The following KCNH8 variants were observed in gnomAD, a reference collection of about 807,000 sequenced individuals.
The protein encoded by KCNH8 is voltage-gated delayed rectifier potassium channel KCNH8.
In KCNH8, 70 loss-of-function variants were observed where a neutral mutation model predicts 103.6. The ratio of observed to expected loss-of-function variants is 0.68; its 90% CI spans 0.56 to 0.82. The LOEUF (loss-of-function observed/expected upper bound fraction) is 0.82. Among genes scored for constraint, KCNH8 ranks in the 40% least tolerant of loss-of-function variants. The pLI is 0.00. For missense variants in KCNH8, 1,217 were observed against 1,329.9 expected (o/e 0.92, Z 1.32); for synonymous variants, 498 against 489.4 (o/e 1.02, Z -0.23).
intron 1 of KCNH8, among the ~76,000 whole-genome samples, chr3:19,213,837 T>G (rs1428881210): frequency 6.6e-6 from 1 of 152,102 alleles, no homozygotes; most frequent in Non-Finnish European, 1.5e-5. Flanking sequence ...GTATTGGCCA[T>G]GTGGGTAGGA....
At chr3:19,332,091 A>G (rs1228290841) in intron 3 of KCNH8, among the ~76,000 whole-genome samples, 1 of 151,596 alleles carries the variant, frequency 6.6e-6, no homozygotes, top group Non-Finnish European at 1.5e-5. Context: ...ACGTGTGTGA[A>G]CTAAACTGAC....
intron 3 of KCNH8, among the ~76,000 whole-genome samples, chr3:19,320,550 C>T (rs1214432852): frequency 1.3e-5 from 2 of 152,014 alleles, no homozygotes; most frequent in South Asian, 4.2e-4. Context: ...GGTGGATTAT[C>T]GTTTTGATAT....
chr3:19,346,091 A>G (rs1038992278), intron 4 of KCNH8, among the ~76,000 whole-genome samples: 3 of 152,088 alleles, frequency 2.0e-5, no homozygotes, highest in Non-Finnish European at 4.4e-5. Context: ...AGAAAATGAG[A>G]TATTTCCCAT....
chr3:19,370,401 A>G (rs2066072052), intron 5 of KCNH8, among the ~76,000 whole-genome samples: 1 of 152,098 alleles, frequency 6.6e-6, no homozygotes, highest in African/African-American at 2.4e-5. Context: ...TAATTAAGTG[A>G]AAATTGGAAC....
At chr3:19,410,384 A>T (rs901498610) in intron 7 of KCNH8, among the ~76,000 whole-genome samples, 2 of 152,154 alleles carry the variant, frequency 1.3e-5, no homozygotes, top group East Asian at 3.9e-4. Context: ...TCTGGGATGT[A>T]GCCAAAGCAG....
chr3:19,287,572 TTTGTTGTTGTTGTTG>T (rs113159230), intron 3 of KCNH8, among the ~76,000 whole-genome samples: 2 of 150,668 alleles, frequency 1.3e-5, no homozygotes, highest in African/African-American at 2.4e-5. Context: ...CAGTCCACTT[TTTGTTGTTGTTGTTG>T]TTGTTGTTGT....
chr3:19,338,573 A>G (rs146563442), intron 3 of KCNH8, among the ~76,000 whole-genome samples: 72 of 152,224 alleles, frequency 4.7e-4, no homozygotes, highest in African/African-American at 1.7e-3. Flanking sequence ...TTTAAGAAAT[A>G]CAGCTGTACT....
intron 3 of KCNH8, among the ~76,000 whole-genome samples, chr3:19,300,964 AT>A (rs1463647969): frequency 6.6e-6 from 1 of 151,692 alleles, no homozygotes; most frequent in Non-Finnish European, 1.5e-5. Context: ...TGCTTTAGGG[AT>A]AAAAAATAAT....
chr3:19,409,539 G>T (rs1359421918), intron 7 of KCNH8, among the ~76,000 whole-genome samples: 4 of 152,118 alleles, frequency 2.6e-5, no homozygotes, highest in South Asian at 2.1e-4. Flanking sequence ...AAGGTAAATG[G>T]TCTAAATGAT....
intron 5 of KCNH8, among the ~76,000 whole-genome samples, chr3:19,351,976 T>C (rs1559487965): frequency 6.6e-6 from 1 of 152,116 alleles, no homozygotes; most frequent in Non-Finnish European, 1.5e-5. Flanking sequence ...ATCAGTGTGC[T>C]GTATTCAGGA....
intron 3 of KCNH8, among the ~76,000 whole-genome samples, chr3:19,323,849 G>A (rs1363740400): frequency 1.3e-5 from 2 of 152,202 alleles, no homozygotes; most frequent in Non-Finnish European, 2.9e-5. Context: ...GTCCTATGAT[G>A]TGATTCGTCT....
At chr3:19,343,185 A>G (rs559062462) in intron 4 of KCNH8, among the ~76,000 whole-genome samples, 74 of 152,254 alleles carry the variant, frequency 4.9e-4, no homozygotes, top group African/African-American at 1.8e-3. Context: ...CTTACATTTT[A>G]TATAAAACAC....
chr3:19,483,172 C>G (rs530407815), intron 11 of KCNH8, among the ~76,000 whole-genome samples: 1 of 152,102 alleles, frequency 6.6e-6, no homozygotes, highest in Non-Finnish European at 1.5e-5. Flanking sequence ...ACTACCTGCC[C>G]ACTGGTCAGG....
intron 11 of KCNH8, among the ~76,000 whole-genome samples, chr3:19,459,211 C>T (rs2125190680): frequency 6.6e-6 from 1 of 152,046 alleles, no homozygotes; most frequent in East Asian, 1.9e-4. Flanking sequence ...TTTACATTTG[C>T]ACCAACAGTG....
intron 3 of KCNH8, among the ~76,000 whole-genome samples, chr3:19,286,139 C>T (rs969948505): frequency 3.3e-5 from 5 of 152,084 alleles, no homozygotes; most frequent in African/African-American, 1.2e-4. Context: ...AACAGCTTGG[C>T]CTTGACATAA....
chr3:19,201,570 C>T (rs2063663557), intron 1 of KCNH8, among the ~76,000 whole-genome samples: 2 of 151,876 alleles, frequency 1.3e-5, no homozygotes, highest in African/African-American at 4.8e-5. Context: ...TTTTTATATT[C>T]TACTCCACCA....
intron 2 of KCNH8, among the ~76,000 whole-genome samples, chr3:19,270,706 T>C (rs931169558): frequency 6.6e-6 from 1 of 152,170 alleles, no homozygotes; most frequent in African/African-American, 2.4e-5. Context: ...TTCACAAGTC[T>C]TCGTTAAGAG....
chr3:19,276,286 G>A (rs1229181699), intron 2 of KCNH8, among the ~76,000 whole-genome samples: 1 of 151,864 alleles, frequency 6.6e-6, no homozygotes, highest in Non-Finnish European at 1.5e-5. Context: ...AAGTAGCACT[G>A]AGACAATGGT....
intron 1 of KCNH8, among the ~76,000 whole-genome samples, chr3:19,219,521 G>A (rs2063850900): frequency 6.6e-6 from 1 of 152,026 alleles, no homozygotes; most frequent in East Asian, 1.9e-4. Context: ...TTTCTTTGTT[G>A]CTTTAGTTTG....
Sources: allele counts gnomAD v4.1 joint callset (sites outside exome capture counted in the v4.1 genomes callset), GRCh38; gene constraint gnomAD v4.1.1; transcripts MANE v1.5; gene names NCBI Gene and HGNC (gene_info 2026-07-23, HGNC 2026-07-21).